NRG2: variants seen among roughly 807,000 people sequenced by gnomAD.
The protein encoded by NRG2 is neuregulin 2.
In NRG2, 27 loss-of-function variants were observed where a neutral mutation model predicts 73.9. The ratio of observed to expected loss-of-function variants is 0.37; its 90% CI spans 0.27 to 0.50. The LOEUF (loss-of-function observed/expected upper bound fraction) is 0.50. Among genes scored for constraint, NRG2 ranks in the 20% least tolerant of loss-of-function variants. NRG2 has a pLI of 0.96. For synonymous variants in NRG2, 532 were observed against 541.0 expected, an observed-to-expected ratio of 0.98 and a Z score of 0.23; for missense variants, 1,126 against 1,210.1, an observed-to-expected ratio of 0.93 and a Z score of 1.03.
intron 1 of NRG2, among the ~76,000 whole-genome samples, chr5:139,982,726 T>C (rs2126565814): frequency 6.6e-6 from 1 of 152,238 alleles, no homozygotes; most frequent in East Asian, 1.9e-4. Context: ...AACTTTCGGG[T>C]GTTATCCTCT....
chr5:139,939,233 TTCCTTCCTTC>T (rs1294271408), intron 1 of NRG2, among the ~76,000 whole-genome samples: 5 of 146,158 alleles, frequency 3.4e-5, no homozygotes, highest in African/African-American at 5.3e-5. Context: ...CCTTCCTTCC[TTCCTTCCTTC>T]CTTTCTTTCT....
intron 1 of NRG2, among the ~76,000 whole-genome samples, chr5:139,998,241 C>T (rs1404655849): frequency 6.6e-6 from 1 of 152,142 alleles, no homozygotes; most frequent in African/African-American, 2.4e-5. Flanking sequence ...CTAGTTTCTA[C>T]TCTGGAAAGA....
intron 1 of NRG2, among the ~76,000 whole-genome samples, chr5:139,942,773 G>A (rs1380632713): frequency 6.6e-6 from 1 of 152,174 alleles, no homozygotes; most frequent in Non-Finnish European, 1.5e-5. Flanking sequence ...CTCACCATTT[G>A]TAAACAACTT....
chr5:139,967,001 C>T (rs1419180721), intron 1 of NRG2, among the ~76,000 whole-genome samples: 1 of 152,126 alleles, frequency 6.6e-6, no homozygotes, highest in Non-Finnish European at 1.5e-5. Flanking sequence ...GGCTCCACAT[C>T]AATAGAACTT....
chr5:139,990,777 T>G (rs1757560951), intron 1 of NRG2, among the ~76,000 whole-genome samples: 1 of 152,236 alleles, frequency 6.6e-6, no homozygotes, highest in South Asian at 2.1e-4. Context: ...ATGTTTTTAT[T>G]GATCTTAAGT....
chr5:139,945,815 T>G (rs746804591), intron 1 of NRG2, among the ~76,000 whole-genome samples: 1 of 152,042 alleles, frequency 6.6e-6, no homozygotes, highest in Non-Finnish European at 1.5e-5. Flanking sequence ...CTTATACACT[T>G]GCAATGAACA....
chr5:139,848,508 G>A lies in NRG2; in HGVS notation c.1962C>T (p.Pro654=). 3 of 1,377,780 alleles carry A rather than the reference G, an allele frequency of 2.2e-6. No homozygotes were observed. The highest frequency in any genetic ancestry group is 2.8e-6 in the Non-Finnish European group (3 of 1,078,200). The allele number at this position is 1,377,780 out of a possible 1,614,324, so 85.3% of individuals were successfully genotyped here. A position where few individuals can be genotyped will look rare whatever the true frequency, so the allele number is the denominator to read the frequency against. ...QQPLLRHPAP[P]GPGPGPGPGP... ...CGGGCCCGGGTCCGGGTCCCGGGCC[G>A]GGGGGCGCCGGGTGCCGCAGTAACG... Residue 654 remains proline, a synonymous_variant, in exon 10 of 10, where the codon CCC becomes CCT. Coordinates refer to ENST00000361474, the MANE Select transcript of NRG2 (RefSeq NM_004883.3).
chr5:139,848,239 C>T lies in NRG2; in HGVS notation c.2231G>A (p.Arg744His), dbSNP rs1463229763. 8 of 1,146,848 alleles carry T rather than the reference C, an allele frequency of 7.0e-6. No homozygotes were observed. Among genetic ancestry groups the T allele is most frequent in the Non-Finnish European group, 8.6e-6 (8 of 935,378 alleles). 71.0% of individuals were successfully genotyped at this position (1,146,848 alleles called of 1,614,324 possible). Residue 744 changes from arginine (R) to histidine (H), a missense_variant, in exon 10 of 10, where the codon CGC becomes CAC. By Grantham distance (29) the Arg-to-His change is conservative. Coordinates refer to ENST00000361474, the MANE Select transcript of NRG2 (RefSeq NM_004883.3). ...RRTSAGPRRWRRSRLNGLAAQ... is the reference protein window; with the variant it reads ...RRTSAGPRRWHRSRLNGLAAQ... ...CGCCAGCCCGTTGAGGCGCGAGCGG[C>T]GCCAGCGCCGGGGCCCCGCCGACGT...
chr5:139,856,865 C>T lies in NRG2; in HGVS notation c.1190-1087G>A, dbSNP rs1321978923. ...CACTCCAGCAACAGGTGCACACACA[C>T]GCCCATGCCCACTGACACACAGTTG... On this transcript the variant is annotated intron_variant, in intron 5 of 9. Coordinates refer to ENST00000361474, the MANE Select transcript of NRG2 (RefSeq NM_004883.3). The surrounding 1 kb of genome is among the most constrained non-coding windows in gnomAD (Gnocchi z 4.2). Among the ~76,000 whole-genome samples the T allele has an allele frequency of 2.0e-5, 3 of 152,202 alleles. No individual in the cohort carries two copies. Among genetic ancestry groups the T allele is most frequent in the South Asian group, 2.1e-4 (1 of 4,826 alleles).
At chr5:139,901,155 A>G (rs941375570) in intron 1 of NRG2, among the ~76,000 whole-genome samples, 6 of 152,276 alleles carry the variant, frequency 3.9e-5, no homozygotes, top group South Asian at 2.1e-4. Flanking sequence ...CGCTGTGCCA[A>G]TCTGGAAAGA....
intron 1 of NRG2, among the ~76,000 whole-genome samples, chr5:139,935,498 A>G (rs1752778877): frequency 6.6e-6 from 1 of 152,244 alleles, no homozygotes. Context: ...TAAAAGATTC[A>G]AATCATACAA....
intron 1 of NRG2, among the ~76,000 whole-genome samples, chr5:139,953,113 G>A (rs189759625): frequency 3.9e-5 from 6 of 152,334 alleles, no homozygotes; most frequent in African/African-American, 1.4e-4. Flanking sequence ...CTGGGATTGG[G>A]GGTGACGTGG....
Position 139,851,890 on chromosome 5 carries a change from G to A in NRG2, c.1545-59C>T. 1 of 1,500,288 alleles carries A rather than the reference G, an allele frequency of 6.7e-7. No homozygotes were observed. The highest frequency in any genetic ancestry group is 9.2e-7 in the Non-Finnish European group (1 of 1,089,242). The allele number at this position is 1,500,288 out of a possible 1,614,324, so 92.9% of individuals were successfully genotyped here. A position where few individuals can be genotyped will look rare whatever the true frequency, so the allele number is the denominator to read the frequency against. ...AGGAAGGGGCAGGGCGGCCCAGCAG[G>A]TGTGGTCCCATGGACCTCCCTGGCT... is the stretch of plus-strand genomic sequence containing the variant. On this transcript the variant is annotated intron_variant, in intron 8 of 9. Coordinates refer to ENST00000361474, the MANE Select transcript of NRG2 (RefSeq NM_004883.3). This position sits in a 1 kb window ranked among gnomAD's most constrained non-coding sequence, Gnocchi z 4.2.
chr5:139,925,316 G>A (rs1014155294), intron 1 of NRG2, among the ~76,000 whole-genome samples: 12 of 152,266 alleles, frequency 7.9e-5, no homozygotes, highest in East Asian at 5.8e-4. Flanking sequence ...GCTGTCTTCC[G>A]CTGCTCCTCA....
intron 1 of NRG2, among the ~76,000 whole-genome samples, chr5:139,973,456 G>A (rs1180954818): frequency 1.3e-5 from 2 of 152,048 alleles, no homozygotes; most frequent in East Asian, 3.9e-4. Flanking sequence ...GCACCTCTTG[G>A]GCTCAGGTGA....
chr5:139,978,799 G>A (rs1329462526), intron 1 of NRG2, among the ~76,000 whole-genome samples: 5 of 151,850 alleles, frequency 3.3e-5, no homozygotes, highest in East Asian at 1.9e-4. Context: ...TGTTTATTGC[G>A]GCACTATTCA....
chr5:139,884,710 G>A (rs959943767), intron 2 of NRG2, among the ~76,000 whole-genome samples: 1 of 152,184 alleles, frequency 6.6e-6, no homozygotes, highest in Admixed American at 6.5e-5. Flanking sequence ...ACTCATGAAG[G>A]TAAGTTTTGT....
At chr5:139,886,264 A>T (rs1018884484) in intron 2 of NRG2, among the ~76,000 whole-genome samples, 4 of 151,918 alleles carry the variant, frequency 2.6e-5, no homozygotes, top group African/African-American at 9.7e-5. Context: ...CAGTCCCCTG[A>T]CTCCTTTAAC....
At chr5:139,906,063 A>G (rs139907207) in intron 1 of NRG2, among the ~76,000 whole-genome samples, 1,593 of 152,090 alleles carry the variant, frequency 0.01, 18 homozygotes, top group Non-Finnish European at 0.016. Context: ...GCTGGAGTGC[A>G]GTGGCGCCAT....
Sources: gnomAD v4.1 joint callset for allele counts (sites outside exome capture counted in the v4.1 genomes callset) on GRCh38, gnomAD v4.1.1 for gene constraint, Gnocchi (gnomAD v3.1) non-coding constraint, MANE v1.5 for transcripts, NCBI Gene and HGNC (gene_info 2026-07-23, HGNC 2026-07-21) for gene names.